Variants in PTAFR observed in about 807,000 individuals in gnomAD.
PTAFR encodes platelet activating factor receptor.
PTAFR carries 8 observed loss-of-function variants against 14.7 expected under a neutral mutation model. The ratio of observed to expected loss-of-function variants is 0.54; its 90% CI spans 0.32 to 0.98. The LOEUF is 0.98. PTAFR is among the 50% of genes least tolerant of loss of function. The pLI, the probability that PTAFR is intolerant of heterozygous loss-of-function variation, is 0.04. For synonymous variants in PTAFR, 156 were observed against 176.5 expected (o/e 0.88, Z 0.92); for missense variants, 337 against 451.2 (o/e 0.75, Z 2.29).
At chr1:28,170,268 T>C (rs998922666) in intron 1 of PTAFR, among the ~76,000 whole-genome samples, 21 of 152,110 alleles carry the variant, frequency 1.4e-4, no homozygotes, top group African/African-American at 5.1e-4. Flanking sequence ...ACTGACTAAA[T>C]AGACAGGTGA....
At chr1:28,153,007 A>G (rs535666369) in intron 1 of PTAFR, among the ~76,000 whole-genome samples, 8 of 152,236 alleles carry the variant, frequency 5.3e-5, no homozygotes, top group South Asian at 2.1e-4. Context: ...TGAAAATACA[A>G]TGTAAGGACA....
chr1:28,153,478 G>T (rs1460162215), intron 1 of PTAFR, among the ~76,000 whole-genome samples: 1 of 151,404 alleles, frequency 6.6e-6, no homozygotes, highest in Admixed American at 6.6e-5. Flanking sequence ...AGGCGTGGTG[G>T]CTCACGCCTG....
intron 1 of PTAFR, among the ~76,000 whole-genome samples, chr1:28,183,228 C>T (rs1646576931): frequency 1.3e-5 from 2 of 152,074 alleles, no homozygotes; most frequent in South Asian, 4.1e-4. Context: ...GAAAAGTATG[C>T]AGCCTAGAAA....
rs1377292847 is a variant in PTAFR, at chr1:28,147,595, T to G, written c.*2398A>C. 1 of 152,076 alleles carries G rather than the reference T, an allele frequency of 6.6e-6. No homozygotes were observed. The highest frequency in any genetic ancestry group is 2.4e-5 in the African/African-American group (1 of 41,348). The allele number at this position is 152,076 out of a possible 1,614,324, so 9.4% of individuals were successfully genotyped here. A position where few individuals can be genotyped will look rare whatever the true frequency, so the allele number is the denominator to read the frequency against. On this transcript the variant is annotated 3_prime_UTR_variant, in exon 2 of 2. Coordinates refer to ENST00000373857, the MANE Select transcript of PTAFR (RefSeq NM_000952.5). ...ACACACACAGACAAACACACACACATGGACACAGTCACAGCTCCAGGGTTT... is the reference window on the plus strand; with the variant it reads ...ACACACACAGACAAACACACACACAGGGACACAGTCACAGCTCCAGGGTTT...
chr1:28,151,851 A>G (rs1367281666), intron 1 of PTAFR, among the ~76,000 whole-genome samples: 1 of 152,028 alleles, frequency 6.6e-6, no homozygotes, highest in Non-Finnish European at 1.5e-5. Flanking sequence ...ATCCTCCAGA[A>G]CTATGAGAAA....
intron 1 of PTAFR, among the ~76,000 whole-genome samples, chr1:28,174,649 C>T (rs1172603125): frequency 6.6e-6 from 1 of 152,200 alleles, no homozygotes; most frequent in Non-Finnish European, 1.5e-5. Context: ...ACCGTCCGTT[C>T]CCTTCCAACT....
At chr1:28,154,081 GAAAA>G (rs71586829) in intron 1 of PTAFR, among the ~76,000 whole-genome samples, 12 of 55,502 alleles carry the variant, frequency 2.2e-4, no homozygotes, top group Admixed American at 4.8e-4. Flanking sequence ...CCTTGTCTCA[GAAAA>G]AAAAAAAAAA....
At chr1:28,192,740 G>A (rs536964077) in intron 1 of PTAFR, among the ~76,000 whole-genome samples, 4 of 151,448 alleles carry the variant, frequency 2.6e-5, no homozygotes, top group Admixed American at 2.0e-4. Flanking sequence ...TCCGCTTCTC[G>A]GGTTCAAGTG....
At chr1:28,180,304 C>T (rs1055789358), upstream of PTAFR, among the ~76,000 whole-genome samples, 2 of 152,114 alleles carry the variant, frequency 1.3e-5, no homozygotes, top group African/African-American at 4.8e-5. Context: ...TGCCTGAACC[C>T]GGGAGGCAGA....
chr1:28,165,653 G>A (rs1646377280), intron 1 of PTAFR, among the ~76,000 whole-genome samples: 1 of 151,504 alleles, frequency 6.6e-6, no homozygotes, highest in Admixed American at 6.6e-5. Flanking sequence ...CGTGGTGGCA[G>A]GCGCCTGTAG....
At chr1:28,190,218 TGCCTGG>T (rs1473501485) in intron 1 of PTAFR, among the ~76,000 whole-genome samples, 1 of 148,762 alleles carries the variant, frequency 6.7e-6, no homozygotes, top group African/African-American at 2.5e-5. Flanking sequence ...ATGATCCGCC[TGCCTGG>T]GCCTCAGAGT....
Position 28,149,372 on chromosome 1 carries a change from T to C in PTAFR, c.*621A>G, listed in dbSNP as rs1205186049. On this transcript the variant is annotated 3_prime_UTR_variant, in exon 2 of 2. Transcript: ENST00000373857. ...TTTTTTGAGATGGAATCTCGCTCTGTTGCCAGGCTAGAGTGCAATGGTGCA... is the reference window on the plus strand; with the variant it reads ...TTTTTTGAGATGGAATCTCGCTCTGCTGCCAGGCTAGAGTGCAATGGTGCA... The C allele has an allele frequency of 6.9e-6, 1 of 145,516 alleles. No homozygotes were observed. The highest frequency in any genetic ancestry group is 6.9e-5 in the Admixed American group (1 of 14,428). The allele number at this position is 145,516 out of a possible 1,614,324, so 9.0% of individuals were successfully genotyped here.
chr1:28,175,373 G>C (rs1166676206), intron 1 of PTAFR, among the ~76,000 whole-genome samples: 1 of 151,904 alleles, frequency 6.6e-6, no homozygotes, highest in South Asian at 2.1e-4. Context: ...TTTCTCCGGC[G>C]GTTTGTCAGC....
At chr1:28,175,283 G>A (rs377144483) in intron 1 of PTAFR, among the ~76,000 whole-genome samples, 6 of 152,136 alleles carry the variant, frequency 3.9e-5, no homozygotes, top group African/African-American at 9.6e-5. Context: ...TCAAGGCCCC[G>A]GCTTGTCAGC....
intron 1 of PTAFR, among the ~76,000 whole-genome samples, chr1:28,176,067 G>A (rs1019378800): frequency 5.3e-5 from 8 of 151,944 alleles, no homozygotes; most frequent in Non-Finnish European, 4.4e-5. Flanking sequence ...TGGGTGTTGG[G>A]TTCTCCAGGA....
upstream of PTAFR, among the ~76,000 whole-genome samples, chr1:28,178,497 A>G (rs1426810152): frequency 6.6e-6 from 1 of 151,838 alleles, no homozygotes; most frequent in Non-Finnish European, 1.5e-5. Flanking sequence ...CTGACCTCCA[A>G]TGATCTGCCC....
At chr1:28,156,950 C>T (rs1234212100) in intron 1 of PTAFR, among the ~76,000 whole-genome samples, 3 of 152,140 alleles carry the variant, frequency 2.0e-5, no homozygotes, top group Non-Finnish European at 4.4e-5. Flanking sequence ...CCGCACCTCC[C>T]TGCTACCCCC....
chr1:28,191,555 G>A (rs780786469), intron 1 of PTAFR, among the ~76,000 whole-genome samples: 3 of 151,618 alleles, frequency 2.0e-5, no homozygotes, highest in Admixed American at 6.6e-5. Context: ...GCAACATAGC[G>A]AAACCTCATC....
chr1:28,151,543 G>A (rs1176129428), intron 1 of PTAFR, among the ~76,000 whole-genome samples: 2 of 152,066 alleles, frequency 1.3e-5, no homozygotes, highest in African/African-American at 4.8e-5. Context: ...TCAGAGGGTG[G>A]AATGGGATTA....
Sources: allele counts gnomAD v4.1 joint callset (sites outside exome capture counted in the v4.1 genomes callset), GRCh38; gene constraint gnomAD v4.1.1; transcripts MANE v1.5; gene names NCBI Gene and HGNC (gene_info 2026-07-23, HGNC 2026-07-21).